Variants in MED13L observed in about 807,000 individuals in gnomAD.
The protein encoded by MED13L is mediator complex subunit 13L.
MED13L carries 7 observed loss-of-function variants against 220.9 expected under a neutral mutation model. The ratio of observed to expected loss-of-function variants is 0.03; its 90% CI spans 0.02 to 0.06. The LOEUF is 0.06. Ranked by LOEUF, MED13L falls within the 10% of genes least tolerant of loss-of-function variation. The pLI, the probability that MED13L is intolerant of heterozygous loss-of-function variation, is 1.00. For missense variants in MED13L, 1,965 were observed against 2,760.5 expected, an observed-to-expected ratio of 0.71 and a Z score of 6.46; for synonymous variants, 1,011 against 1,015.2, an observed-to-expected ratio of 1.00 and a Z score of 0.08.
intron 2 of MED13L, among the ~76,000 whole-genome samples, chr12:116,120,477 T>TCTCTCTCTCA (rs1257256737): frequency 8.8e-5 from 7 of 79,472 alleles, no homozygotes; most frequent in Non-Finnish European, 1.2e-4. Flanking sequence ...TCTCTCTCTC[T>TCTCTCTCTCA]CACACACACA....
At chr12:116,182,949 G>C (rs1385321313) in intron 2 of MED13L, among the ~76,000 whole-genome samples, 1 of 152,120 alleles carries the variant, frequency 6.6e-6, no homozygotes, top group Admixed American at 6.5e-5. Flanking sequence ...GCTACTTGAG[G>C]TGAAAGACTG....
chr12:116,215,293 C>T (rs1281999159), intron 2 of MED13L, among the ~76,000 whole-genome samples: 1 of 152,170 alleles, frequency 6.6e-6, no homozygotes. Context: ...AACCATATTA[C>T]ATCCTATTTT....
intron 2 of MED13L, among the ~76,000 whole-genome samples, chr12:116,160,628 T>G (rs1593114624): frequency 6.6e-6 from 1 of 151,438 alleles, no homozygotes; most frequent in South Asian, 2.1e-4. Flanking sequence ...CAGGCTTGAG[T>G]GCAGTGGCAT....
intron 2 of MED13L, among the ~76,000 whole-genome samples, chr12:116,142,116 T>C (rs1877130238): frequency 6.6e-6 from 1 of 152,160 alleles, no homozygotes; most frequent in Admixed American, 6.5e-5. Context: ...CTGACTACCC[T>C]ACTTAAAATA....
At chr12:116,062,216 A>C (rs1869554684) in intron 4 of MED13L, among the ~76,000 whole-genome samples, 1 of 151,340 alleles carries the variant, frequency 6.6e-6, no homozygotes, top group African/African-American at 2.4e-5. Context: ...GCAGTGGAGC[A>C]ATCTCAGCTC....
At chr12:116,212,520 G>A (rs1241927392) in intron 2 of MED13L, among the ~76,000 whole-genome samples, 1 of 151,970 alleles carries the variant, frequency 6.6e-6, no homozygotes, top group Non-Finnish European at 1.5e-5. Flanking sequence ...CCTTCTACTA[G>A]GAAGGTTTTT....
intron 4 of MED13L, among the ~76,000 whole-genome samples, chr12:116,071,921 A>G (rs1481801871): frequency 1.3e-5 from 2 of 152,238 alleles, no homozygotes; most frequent in Non-Finnish European, 2.9e-5. Flanking sequence ...CCCTGGTATA[A>G]GTAAGTACTA....
chr12:116,209,194 T>C (rs1028336235), intron 2 of MED13L, among the ~76,000 whole-genome samples: 1 of 152,190 alleles, frequency 6.6e-6, no homozygotes, highest in Non-Finnish European at 1.5e-5. Context: ...AATGGTTTTT[T>C]AAATTGCCAA....
intron 2 of MED13L, chr12:116,174,413 C>A (rs1245013063): frequency 6.6e-6 from 1 of 151,552 alleles, no homozygotes; most frequent in Admixed American, 6.6e-5. Context: ...TCAAAACTAT[C>A]CATTTTCTAT....
At chr12:116,232,488 TC>T (rs1869656110) in intron 2 of MED13L, among the ~76,000 whole-genome samples, 1 of 152,228 alleles carries the variant, frequency 6.6e-6, no homozygotes, top group African/African-American at 2.4e-5. Context: ...TTCAATATCC[TC>T]GCATTATCAA....
At chr12:116,042,461 G>C (rs1000119312) in intron 4 of MED13L, among the ~76,000 whole-genome samples, 7 of 152,208 alleles carry the variant, frequency 4.6e-5, no homozygotes, top group African/African-American at 1.4e-4. Flanking sequence ...GAAGCAGATA[G>C]AATAATGGAA....
chr12:115,962,421 C>T (rs935673047), intron 30 of MED13L, among the ~76,000 whole-genome samples: 3 of 152,102 alleles, frequency 2.0e-5, no homozygotes, highest in South Asian at 4.1e-4. Context: ...CTGTAATGCT[C>T]GCTCACTTGC....
chr12:116,008,839 T>A lies in MED13L; in HGVS notation c.1574A>T (p.Tyr525Phe). The change falls in exon 10 of 31, where the codon TAT becomes TTT. Residue 525 changes from tyrosine (Y) to phenylalanine (F), a missense_variant. Tyr to Phe is a conservative substitution (Grantham distance 22). Transcript: ENST00000281928. Reference protein sequence around the residue: ...SSLEVSSSRKYDKQMAVPSRN... With the variant: ...SSLEVSSSRKFDKQMAVPSRN... ...GGAAGGCACGGCCATTTGCTTATCA[T>A]ATTTCCTACTGCTAGACACCTCTAA... The A allele has an allele frequency of 6.2e-7, 1 of 1,614,078 alleles. No homozygotes were observed. The highest frequency in any genetic ancestry group is 8.5e-7 in the Non-Finnish European group (1 of 1,180,000).
chr12:116,208,589 T>A (rs1018697010), intron 2 of MED13L, among the ~76,000 whole-genome samples: 3 of 152,242 alleles, frequency 2.0e-5, no homozygotes, highest in African/African-American at 7.2e-5. Flanking sequence ...ATCACACCTG[T>A]CATTTCAATA....
chr12:116,097,137 C>A (rs1872695011), intron 3 of MED13L, among the ~76,000 whole-genome samples: 1 of 151,958 alleles, frequency 6.6e-6, no homozygotes, highest in South Asian at 2.1e-4. Flanking sequence ...ATCCAAGCCA[C>A]TAACACCCAT....
At chr12:116,193,550 A>G (rs1294277775) in intron 2 of MED13L, among the ~76,000 whole-genome samples, 1 of 152,042 alleles carries the variant, frequency 6.6e-6, no homozygotes, top group Non-Finnish European at 1.5e-5. Context: ...ATTCTCAAGT[A>G]GTTTATCTAA....
intron 22 of MED13L, among the ~76,000 whole-genome samples, chr12:115,981,486 T>A (rs758719558): frequency 2.5e-4 from 38 of 152,196 alleles, no homozygotes; most frequent in Admixed American, 1.6e-3. Context: ...TAGAATTTTT[T>A]AAAAAATCAT....
chr12:115,985,319 T>C (rs1199382946), intron 19 of MED13L, among the ~76,000 whole-genome samples: 1 of 152,238 alleles, frequency 6.6e-6, no homozygotes, highest in Non-Finnish European at 1.5e-5. Flanking sequence ...GAAATGAATG[T>C]ATCCAAGGCA....
At position 116,031,675 on chromosome 12, in the gene MED13L, A is replaced by AAAAAGAAAAG. The variant is rs1173196797; in HGVS notation, c.480-9084_480-9075dup. Among the ~76,000 whole-genome samples the AAAAAGAAAAG allele has an allele frequency of 1.5e-3, 99 of 68,078 alleles. 4 individuals carry two copies. The highest frequency in any genetic ancestry group is 2.4e-3 in the Non-Finnish European group (77 of 32,122). 44.7% of individuals were successfully genotyped at this position (68,078 alleles called of 152,430 possible). On this transcript the variant is annotated intron_variant, in intron 4 of 30. Coordinates refer to ENST00000281928, the MANE Select transcript of MED13L (RefSeq NM_015335.5). The stretch of plus-strand genomic sequence containing the variant: ...GGACGGGACGGGACGGGAGAAAAGA[A>AAAAAGAAAAG]AAAAGAAAAGAAAAGAAAAGAAAAG...
Sources: gnomAD v4.1 joint callset for allele counts (sites outside exome capture counted in the v4.1 genomes callset) on GRCh38, gnomAD v4.1.1 for gene constraint, MANE v1.5 for transcripts, NCBI Gene and HGNC (gene_info 2026-07-23, HGNC 2026-07-21) for gene names.